The following IFT25 variants were observed in gnomAD, a reference collection of about 807,000 sequenced individuals.
IFT25 encodes the protein intraflagellar transport 25, also known as intraflagellar transport protein 25 homolog.
the IFT25 span, among the ~76,000 whole-genome samples, chr1:53,927,839 T>C: frequency 6.6e-6 from 1 of 152,238 alleles, no homozygotes; most frequent in Non-Finnish European, 1.5e-5. Context: ...TTTATCATAA[T>C]ATACACTGAT....
the IFT25 span, among the ~76,000 whole-genome samples, chr1:53,924,603 G>C: frequency 6.6e-6 from 1 of 152,186 alleles, no homozygotes; most frequent in African/African-American, 2.4e-5. Flanking sequence ...TTGGGAGGCC[G>C]AGGTGGGCGG....
chr1:53,944,771 C>T, the IFT25 span, among the ~76,000 whole-genome samples: 2 of 152,118 alleles, frequency 1.3e-5, no homozygotes, highest in Non-Finnish European at 2.9e-5. Flanking sequence ...CCATTTTTTA[C>T]AATCCCTGAC....
the IFT25 span, among the ~76,000 whole-genome samples, chr1:53,912,534 T>C: frequency 6.6e-6 from 1 of 152,166 alleles, no homozygotes; most frequent in Non-Finnish European, 1.5e-5. Flanking sequence ...CTGAGCTGGG[T>C]GAATCCAACA....
the IFT25 span, chr1:53,917,141 T>C: frequency 1.3e-5 from 2 of 151,386 alleles, no homozygotes; most frequent in African/African-American, 5.1e-5. Context: ...CAAAACTACA[T>C]CTCAAAAAAA....
At chr1:53,918,884 G>C in the IFT25 span, among the ~76,000 whole-genome samples, 1 of 152,094 alleles carries the variant, frequency 6.6e-6, no homozygotes, top group African/African-American at 2.4e-5. Flanking sequence ...TGTTGTCCAG[G>C]CTGGAGTGCA....
At chr1:53,946,007 T>TA in the IFT25 span, 1 of 138,028 alleles carries the variant, frequency 7.2e-6, no homozygotes, top group African/African-American at 2.8e-5. Flanking sequence ...CGGCCCCTCC[T>TA]ACCCCTAGCT....
At chr1:53,916,415 A>G in the IFT25 span, among the ~76,000 whole-genome samples, 3 of 152,224 alleles carry the variant, frequency 2.0e-5, no homozygotes, top group East Asian at 5.8e-4. Context: ...CACAGAAGAC[A>G]GAGAAAAAAG....
the IFT25 span, chr1:53,921,861 A>G: frequency 1.3e-6 from 1 of 740,808 alleles, no homozygotes; most frequent in Non-Finnish European, 2.4e-6. Context: ...TGCAAGAGTA[A>G]TATTCTAAAT....
chr1:53,924,382 C>T, the IFT25 span, among the ~76,000 whole-genome samples: 1 of 152,202 alleles, frequency 6.6e-6, no homozygotes, highest in East Asian at 1.9e-4. Context: ...GAAACTTTCA[C>T]TATGATGCAT....
At chr1:53,925,467 T>C in the IFT25 span, among the ~76,000 whole-genome samples, 7 of 151,174 alleles carry the variant, frequency 4.6e-5, no homozygotes, top group East Asian at 1.2e-3. Flanking sequence ...GAGACCATCC[T>C]GGCTAACACG....
At chr1:53,924,729 C>T in the IFT25 span, among the ~76,000 whole-genome samples, 2 of 152,022 alleles carry the variant, frequency 1.3e-5, no homozygotes, top group African/African-American at 4.8e-5. Context: ...CCCAGCTACT[C>T]GGGAGGCTGA....
chr1:53,924,893 A>G, the IFT25 span, among the ~76,000 whole-genome samples: 1 of 152,214 alleles, frequency 6.6e-6, no homozygotes, highest in Non-Finnish European at 1.5e-5. Flanking sequence ...TTAACTTCAC[A>G]TTAAATAATG....
the IFT25 span, among the ~76,000 whole-genome samples, chr1:53,911,971 G>T: frequency 6.6e-6 from 1 of 152,132 alleles, no homozygotes. Context: ...GGGGTTGGAG[G>T]TGGAAGGAGG....
the IFT25 span, among the ~76,000 whole-genome samples, chr1:53,933,784 A>G: frequency 6.6e-6 from 1 of 151,904 alleles, no homozygotes; most frequent in Non-Finnish European, 1.5e-5. Context: ...TCTCCCTCCT[A>G]TTCTTGTCCT....
At chr1:53,924,575 G>C in the IFT25 span, among the ~76,000 whole-genome samples, 8 of 152,228 alleles carry the variant, frequency 5.3e-5, no homozygotes, top group African/African-American at 1.9e-4. Flanking sequence ...AGTGGCTCAC[G>C]CCTGTAATCC....
At chr1:53,930,178 G>C in the IFT25 span, 2 of 1,524,618 alleles carry the variant, frequency 1.3e-6, no homozygotes, top group East Asian at 4.8e-5. Flanking sequence ...AATAAGAATA[G>C]CCAAATATAA....
the IFT25 span, among the ~76,000 whole-genome samples, chr1:53,927,499 G>A: frequency 6.6e-6 from 1 of 152,162 alleles, no homozygotes; most frequent in Admixed American, 6.5e-5. Context: ...CTGGTCTCCT[G>A]AGCCTCAACA....
At chr1:53,924,629 G>A in the IFT25 span, among the ~76,000 whole-genome samples, 102 of 152,170 alleles carry the variant, frequency 6.7e-4, 1 homozygote, top group African/African-American at 2.2e-3. Context: ...GAGTTCAGGA[G>A]ATCAAGACCA....
chr1:53,942,026 C>G, the IFT25 span, among the ~76,000 whole-genome samples: 2 of 152,174 alleles, frequency 1.3e-5, no homozygotes, highest in Non-Finnish European at 2.9e-5. Context: ...TTGTGGAGGA[C>G]TTCTATCCTT....
Sources: gnomAD v4.1 joint callset for allele counts (sites outside exome capture counted in the v4.1 genomes callset) on GRCh38, gnomAD v4.1.1 for gene constraint, MANE v1.5 for transcripts, NCBI Gene and HGNC (gene_info 2026-07-23, HGNC 2026-07-21) for gene names.